Variants in PTPRD observed in about 807,000 individuals in gnomAD.
PTPRD encodes the protein receptor-type tyrosine-protein phosphatase delta.
Under a neutral mutation model 214.5 loss-of-function variants are expected in PTPRD, and 34 were observed. That is an observed-to-expected ratio of 0.16 (90% confidence interval 0.12 to 0.21). The LOEUF is 0.21. Ranked by LOEUF, PTPRD falls within the 10% of genes least tolerant of loss-of-function variation. The pLI, the probability that PTPRD is intolerant of heterozygous loss-of-function variation, is 1.00. For synonymous variants in PTPRD, 1,128 were observed against 845.7 expected, an observed-to-expected ratio of 1.33 and a Z score of -5.79; for missense variants, 2,545 against 2,398.7, an observed-to-expected ratio of 1.06 and a Z score of -1.27.
At chr9:10,474,424 C>T (rs2099050024) in intron 2 of PTPRD, among the ~76,000 whole-genome samples, 1 of 151,818 alleles carries the variant, frequency 6.6e-6, no homozygotes, top group Non-Finnish European at 1.5e-5. Context: ...GGGATCAATG[C>T]AAAAAGAAGA....
At chr9:9,029,427 G>A (rs549900588) in intron 10 of PTPRD, among the ~76,000 whole-genome samples, 35 of 152,048 alleles carry the variant, frequency 2.3e-4, no homozygotes, top group African/African-American at 8.2e-4. Flanking sequence ...ACAAGGGCTA[G>A]ATAAAGCAGG....
chr9:9,498,760 C>A (rs2096289961), intron 8 of PTPRD, among the ~76,000 whole-genome samples: 1 of 151,994 alleles, frequency 6.6e-6, no homozygotes, highest in Admixed American at 6.6e-5. Context: ...AACATAGGCA[C>A]ACTAAAATCT....
chr9:9,102,508 G>A (rs970048463), intron 10 of PTPRD, among the ~76,000 whole-genome samples: 10 of 152,216 alleles, frequency 6.6e-5, no homozygotes, highest in African/African-American at 2.2e-4. Context: ...TCAGAAGCAT[G>A]TAAGCCAGAT....
intron 9 of PTPRD, among the ~76,000 whole-genome samples, chr9:9,297,234 T>C (rs2134448424): frequency 6.6e-6 from 1 of 151,710 alleles, no homozygotes; most frequent in East Asian, 1.9e-4. Context: ...AGAGTCAGAC[T>C]AGAATTTATG....
intron 10 of PTPRD, among the ~76,000 whole-genome samples, chr9:9,065,318 T>A (rs577847373): frequency 2.6e-5 from 4 of 152,018 alleles, no homozygotes; most frequent in Non-Finnish European, 5.9e-5. Context: ...TGGTAGAAAT[T>A]GATAAGGTTC....
chr9:10,223,074 C>G (rs758688199), intron 3 of PTPRD, among the ~76,000 whole-genome samples: 2 of 151,704 alleles, frequency 1.3e-5, no homozygotes, highest in Non-Finnish European at 2.9e-5. Flanking sequence ...ATTGTTCATC[C>G]TCTCTTTTCA....
intron 30 of PTPRD, among the ~76,000 whole-genome samples, chr9:8,479,485 C>A (rs2096835386): frequency 6.6e-6 from 1 of 152,114 alleles, no homozygotes; most frequent in Non-Finnish European, 1.5e-5. Flanking sequence ...TATACCTTTT[C>A]CCTGACTCCC....
intron 33 of PTPRD, among the ~76,000 whole-genome samples, chr9:8,460,041 C>A (rs141696511): frequency 6.4e-4 from 97 of 152,166 alleles, no homozygotes; most frequent in African/African-American, 2.2e-3. Context: ...TCAAAAAACA[C>A]ACTGAAATCG....
At chr9:9,272,447 G>A (rs1396477367) in intron 9 of PTPRD, among the ~76,000 whole-genome samples, 2 of 151,144 alleles carry the variant, frequency 1.3e-5, no homozygotes, top group East Asian at 3.9e-4. Flanking sequence ...ATATTAGCGG[G>A]AATTTACAAA....
intron 28 of PTPRD, 45 bp downstream of exon 28, chr9:8,485,717 T>G: frequency 1.3e-6 from 2 of 1,491,336 alleles, no homozygotes; most frequent in Non-Finnish European, 1.8e-6. Flanking sequence ...TTCCAAAGAC[T>G]GACAATCCTT....
intron 21 of PTPRD, among the ~76,000 whole-genome samples, chr9:8,512,560 C>G (rs2097702867): frequency 6.6e-6 from 1 of 151,924 alleles, no homozygotes; most frequent in Admixed American, 6.6e-5. Flanking sequence ...CTCTCAATGT[C>G]ATAGCTTATA....
intron 35 of PTPRD, among the ~76,000 whole-genome samples, chr9:8,425,629 C>G (rs1194285961): frequency 6.6e-6 from 1 of 152,080 alleles, no homozygotes; most frequent in Non-Finnish European, 1.5e-5. Context: ...TGTCCCACTC[C>G]CAAGATTAAC....
At chr9:10,459,271 G>T (rs1393480708) in intron 2 of PTPRD, among the ~76,000 whole-genome samples, 1 of 150,332 alleles carries the variant, frequency 6.7e-6, no homozygotes, top group Non-Finnish European at 1.5e-5. Context: ...GTGTAGATGT[G>T]CCACATTGTC....
intron 5 of PTPRD, among the ~76,000 whole-genome samples, chr9:9,856,449 G>T (rs550093501): frequency 1.3e-5 from 2 of 152,138 alleles, no homozygotes; most frequent in South Asian, 4.1e-4. Context: ...TCTATCAAAA[G>T]TACAGTAACA....
intron 3 of PTPRD, among the ~76,000 whole-genome samples, chr9:10,058,460 A>G (rs939446830): frequency 2.6e-5 from 4 of 152,090 alleles, no homozygotes; most frequent in African/African-American, 9.7e-5. Context: ...GACAATTTAA[A>G]TCTATGCTCC....
chr9:8,525,839 C>T (rs2073956053), intron 17 of PTPRD, among the ~76,000 whole-genome samples: 2 of 151,930 alleles, frequency 1.3e-5, no homozygotes, highest in African/African-American at 4.8e-5. Flanking sequence ...AAATACAAAA[C>T]AAGAATTACA....
At chr9:9,022,674 C>T (rs1229476962) in intron 10 of PTPRD, among the ~76,000 whole-genome samples, 1 of 152,098 alleles carries the variant, frequency 6.6e-6, no homozygotes, top group East Asian at 1.9e-4. Flanking sequence ...TGATGCATGA[C>T]TGTATAGAGC....
chr9:9,881,653 C>T (rs2068729116), intron 5 of PTPRD, among the ~76,000 whole-genome samples: 2 of 152,078 alleles, frequency 1.3e-5, no homozygotes, highest in African/African-American at 4.8e-5. Context: ...GATTTATGAA[C>T]CCTGGTATGA....
At chr9:9,510,849 AT>A (rs1383933102) in intron 8 of PTPRD, among the ~76,000 whole-genome samples, 2 of 151,784 alleles carry the variant, frequency 1.3e-5, no homozygotes, top group East Asian at 3.9e-4. Flanking sequence ...ATTTTTACTC[AT>A]TTTACATAAT....
Sources: allele counts gnomAD v4.1 joint callset (sites outside exome capture counted in the v4.1 genomes callset), GRCh38; gene constraint gnomAD v4.1.1; transcripts MANE v1.5; gene names NCBI Gene and HGNC (gene_info 2026-07-23, HGNC 2026-07-21).